Variants in BTBD8 observed in about 807,000 individuals in gnomAD.
The protein encoded by BTBD8 is BTB/POZ domain-containing protein 8.
BTBD8 carries 110 observed loss-of-function variants against 162.9 expected under a neutral mutation model. The ratio of observed to expected loss-of-function variants is 0.68; its 90% CI spans 0.58 to 0.79. BTBD8 has a LOEUF of 0.79. Among genes scored for constraint, BTBD8 ranks in the 30% least tolerant of loss-of-function variants. The pLI is 0.00. For synonymous variants in BTBD8, 667 were observed against 716.1 expected, an observed-to-expected ratio of 0.93 and a Z score of 1.10; for missense variants, 1,905 against 2,085.4, an observed-to-expected ratio of 0.91 and a Z score of 1.68.
chr1:92,150,503 G>A lies in BTBD8; in HGVS notation c.1122+2717G>A, dbSNP rs949832317. The A allele has an allele frequency of 7.9e-5, 12 of 152,110 alleles. No individual in the cohort carries two copies. The East Asian group carries it at 1.7e-3, about 22-fold the overall frequency. 9.4% of individuals were successfully genotyped at this position (152,110 alleles called of 1,614,324 possible). ...TCATGGAATGTTTTTATACTGCATC[G>A]CTTATTGTCATATATTTGTATGGTC... On this transcript the variant is annotated intron_variant, in intron 9 of 17. Coordinates refer to ENST00000636805, the MANE Select transcript of BTBD8 (RefSeq NM_001376131.1).
chr1:92,175,467 G>T (rs1369137135), intron 13 of BTBD8, among the ~76,000 whole-genome samples: 4 of 74,116 alleles, frequency 5.4e-5, no homozygotes, highest in African/African-American at 1.9e-4. Context: ...AACAGAGCAA[G>T]ACTCCATCTC....
rs765532418 is a variant in BTBD8, at chr1:92,083,432, A to C, written c.149+2712A>C. 6.7e-4 allele frequency among the ~76,000 whole-genome samples: 102 copies of C among 152,166 alleles called. 1 individual carries two copies. The highest frequency in any genetic ancestry group is 1.2e-3 in the Non-Finnish European group (81 of 68,032). The stretch of plus-strand genomic sequence containing the variant: ...CTCCTGCTTGATTACTGCATTGGCC[A>C]GTGGCTAACCTTGGTTTAGCCCATT... On this transcript the variant is annotated intron_variant, in intron 1 of 17. Coordinates refer to ENST00000636805, the MANE Select transcript of BTBD8 (RefSeq NM_001376131.1).
chr1:92,146,915 G>A (rs1570744551), intron 7 of BTBD8, among the ~76,000 whole-genome samples: 1 of 152,054 alleles, frequency 6.6e-6, no homozygotes, highest in Non-Finnish European at 1.5e-5. Context: ...TGCTAAAAAC[G>A]TTCATGTTTA....
chr1:92,104,664 A>G (rs1025342289), intron 3 of BTBD8, among the ~76,000 whole-genome samples: 57 of 152,238 alleles, frequency 3.7e-4, no homozygotes, highest in African/African-American at 1.4e-3. Context: ...CCCCACATTC[A>G]CCAGTAACCT....
chr1:92,090,688 AG>A (rs1322607771), intron 2 of BTBD8, among the ~76,000 whole-genome samples: 1 of 152,146 alleles, frequency 6.6e-6, no homozygotes, highest in African/African-American at 2.4e-5. Context: ...CCAGCACTTT[AG>A]GAGGCCGAGG....
At position 92,182,520 on chromosome 1, in the gene BTBD8, G is replaced by A. The variant is rs925135092; in HGVS notation, c.4837G>A (p.Val1613Ile). Residue 1613 changes from valine (V) to isoleucine (I), a missense_variant, in exon 17 of 18, where the codon GTT (valine) becomes ATT (isoleucine). By Grantham distance (29) the Val-to-Ile change is conservative. Transcript: ENST00000636805. The part of the protein sequence containing the change: ...TKSLDSFRSQ[V>I]LPQEGPVKES... ...ATCTCTAGACTCCTTTCGGAGTCAA[G>A]TTCTGCCTCAGGAAGGTCCAGTGAA... 2 of 1,546,808 alleles carry A rather than the reference G, an allele frequency of 1.3e-6. No individual in the cohort carries two copies. Among genetic ancestry groups the A allele is most frequent in the East Asian group, 2.4e-5 (1 of 40,876 alleles).
chr1:92,132,627 T>C (rs1394038265), intron 5 of BTBD8, among the ~76,000 whole-genome samples: 1 of 152,188 alleles, frequency 6.6e-6, no homozygotes, highest in Non-Finnish European at 1.5e-5. Context: ...CAAAATGTCA[T>C]CTGAATAAGT....
intron 1 of BTBD8, among the ~76,000 whole-genome samples, chr1:92,081,608 C>G (rs1648014980): frequency 6.6e-6 from 1 of 152,048 alleles, no homozygotes; most frequent in Non-Finnish European, 1.5e-5. Context: ...GAGTCTCGCT[C>G]TGTCGCCCAG....
chr1:92,127,850 C>T (rs918696937), intron 4 of BTBD8, among the ~76,000 whole-genome samples: 4 of 152,126 alleles, frequency 2.6e-5, no homozygotes, highest in African/African-American at 7.2e-5. Flanking sequence ...TGTGAGCCAC[C>T]GTGCCCGACC....
At chr1:92,119,804 A>G (rs1394801540) in intron 4 of BTBD8, among the ~76,000 whole-genome samples, 2 of 148,600 alleles carry the variant, frequency 1.3e-5, no homozygotes, top group African/African-American at 5.0e-5. Flanking sequence ...TATTTTTAGT[A>G]GAGATGGGGT....
intron 2 of BTBD8, among the ~76,000 whole-genome samples, chr1:92,094,888 G>A (rs1388828237): frequency 1.3e-5 from 2 of 152,210 alleles, no homozygotes; most frequent in Non-Finnish European, 2.9e-5. Context: ...AAACAGCACA[G>A]AACAAAGGAT....
chr1:92,139,625 A>C (rs775903910), intron 6 of BTBD8, 195 bp downstream of exon 6: 58 of 1,139,458 alleles, frequency 5.1e-5, no homozygotes, highest in Admixed American at 5.0e-4. Flanking sequence ...TTATCAACTC[A>C]CAGTAATAAG....
chr1:92,177,355 GCAT>G lies in BTBD8; in HGVS notation c.2164_2166del (p.Ile722del). The G allele has an allele frequency of 6.4e-7, 1 of 1,551,806 alleles. No individual in the cohort carries two copies. Among genetic ancestry groups the G allele is most frequent in the Non-Finnish European group, 8.7e-7 (1 of 1,147,032 alleles). On this transcript the variant is annotated inframe_deletion, in exon 14 of 18. Transcript: ENST00000636805. ...ACAGGGAAGGATTCACCATGCCTCA[GCAT>G]CGCAGGACCCTCCAGCAGATCCACA...
chr1:92,106,229 T>A (rs2101906032), intron 3 of BTBD8, among the ~76,000 whole-genome samples: 1 of 152,342 alleles, frequency 6.6e-6, no homozygotes, highest in East Asian at 1.9e-4. Flanking sequence ...ATTCTTTACA[T>A]TCTTGCTGTT....
At chr1:92,166,334 T>C (rs1007403261) in intron 9 of BTBD8, among the ~76,000 whole-genome samples, 3 of 152,124 alleles carry the variant, frequency 2.0e-5, no homozygotes, top group Admixed American at 6.5e-5. Context: ...AAAATTAATT[T>C]AGTAGTGATA....
chr1:92,111,006 T>G (rs74548304), intron 4 of BTBD8, among the ~76,000 whole-genome samples: 2 of 152,020 alleles, frequency 1.3e-5, no homozygotes, highest in African/African-American at 4.8e-5. Context: ...TTTTTTTTTT[T>G]CCTAAGACAA....
chr1:92,180,856 A>C lies in BTBD8; in HGVS notation c.3173A>C (p.Asn1058Thr). The change falls in exon 17 of 18, where the codon AAT becomes ACT. Residue 1058 changes from asparagine to threonine, a missense_variant. This residue lies in a region of BTBD8 where 1,374 missense variants were observed against 1,442.7 expected (regional missense o/e 0.95). Coordinates refer to ENST00000636805, the MANE Select transcript of BTBD8 (RefSeq NM_001376131.1). Reference protein sequence around the residue: ...CLDKSETKFPNHKETDDCDAA... With the variant: ...CLDKSETKFPTHKETDDCDAA... ...GATAAAAGTGAAACAAAATTTCCCAATCACAAAGAAACAGATGATTGCGAT... is the reference window on the plus strand; with the variant it reads ...GATAAAAGTGAAACAAAATTTCCCACTCACAAAGAAACAGATGATTGCGAT... 2 of 1,551,530 alleles carry C rather than the reference A, an allele frequency of 1.3e-6. No homozygotes were observed. Among genetic ancestry groups the C allele is most frequent in the Admixed American group, 2.0e-5 (1 of 50,964 alleles).
chr1:92,090,745 C>T (rs1048118933), intron 2 of BTBD8, among the ~76,000 whole-genome samples: 1 of 152,160 alleles, frequency 6.6e-6, no homozygotes, highest in Non-Finnish European at 1.5e-5. Context: ...GCCTGGCCAA[C>T]GTGCTGCAAC....
chr1:92,133,478 C>T (rs986551018), intron 5 of BTBD8, among the ~76,000 whole-genome samples: 1 of 152,208 alleles, frequency 6.6e-6, no homozygotes, highest in Non-Finnish European at 1.5e-5. Flanking sequence ...TAACCAGCAG[C>T]TTCTTTTGGA....
Sources: allele counts gnomAD v4.1 joint callset (sites outside exome capture counted in the v4.1 genomes callset), GRCh38; gene constraint gnomAD v4.1.1; regional missense constraint gnomAD v4.1.1; transcripts MANE v1.5; gene names NCBI Gene and HGNC (gene_info 2026-07-23, HGNC 2026-07-21).